Variants in CAPN13 observed in about 807,000 individuals in gnomAD.
The protein encoded by CAPN13 is calpain-13.
CAPN13 carries 90 observed loss-of-function variants against 98.4 expected under a neutral mutation model. That is an observed-to-expected ratio of 0.92 (90% CI 0.77 to 1.09). CAPN13 has a LOEUF of 1.09. Ranked by LOEUF, CAPN13 falls within the 50% of genes least tolerant of loss-of-function variation. The pLI, the probability that CAPN13 is intolerant of heterozygous loss-of-function variation, is 0.00. For synonymous variants in CAPN13, 330 were observed against 305.5 expected, an observed-to-expected ratio of 1.08 and a Z score of -0.84; for missense variants, 887 against 841.3, an observed-to-expected ratio of 1.05 and a Z score of -0.67.
chr2:30,744,008 TTC>T (rs1304380689), intron 12 of CAPN13, among the ~76,000 whole-genome samples: 12 of 152,254 alleles, frequency 7.9e-5, no homozygotes, highest in African/African-American at 1.4e-4. Context: ...TCTTTTCACT[TTC>T]TCTGTTTCAT....
intron 18 of CAPN13, among the ~76,000 whole-genome samples, chr2:30,735,106 A>C (rs72613862): frequency 0.066 from 10,002 of 152,270 alleles, 685 homozygotes; most frequent in African/African-American, 0.17. Flanking sequence ...AGCCCAGCAC[A>C]GGGGCAGAAG....
chr2:30,770,030 C>A (rs866585924), intron 5 of CAPN13, among the ~76,000 whole-genome samples: 1 of 152,132 alleles, frequency 6.6e-6, no homozygotes, highest in South Asian at 2.1e-4. Context: ...GGACTTTGAC[C>A]GTGATATTAT....
intron 4 of CAPN13, among the ~76,000 whole-genome samples, chr2:30,771,602 G>A (rs1469827330): frequency 6.6e-6 from 1 of 152,226 alleles, no homozygotes. Context: ...ATGGTTTTAG[G>A]AGGGTGATTA....
chr2:30,800,952 G>T (rs2148114582), intron 1 of CAPN13, among the ~76,000 whole-genome samples: 1 of 152,252 alleles, frequency 6.6e-6, no homozygotes, highest in East Asian at 1.9e-4. Flanking sequence ...AGATTTCCCA[G>T]CATGGTTTTT....
chr2:30,801,014 A>T (rs913513488), intron 1 of CAPN13, among the ~76,000 whole-genome samples: 3 of 151,952 alleles, frequency 2.0e-5, no homozygotes, highest in Non-Finnish European at 2.9e-5. Context: ...GCTAATTCAA[A>T]TTTTTTCTGA....
chr2:30,753,868 T>G (rs1672301476), intron 9 of CAPN13, among the ~76,000 whole-genome samples: 1 of 152,124 alleles, frequency 6.6e-6, no homozygotes, highest in Non-Finnish European at 1.5e-5. Context: ...GGTGATGAAG[T>G]CCATGTCTCA....
intron 20 of CAPN13, 41 bp from the exon 21 acceptor site, chr2:30,731,440 A>G: frequency 6.3e-7 from 1 of 1,575,962 alleles, no homozygotes; most frequent in Non-Finnish European, 8.7e-7. Flanking sequence ...CTGAGGAGGA[A>G]GGAATCCAGG....
At chr2:30,758,540 C>T (rs758566533) in intron 7 of CAPN13, among the ~76,000 whole-genome samples, 19 of 152,190 alleles carry the variant, frequency 1.2e-4, no homozygotes, top group Non-Finnish European at 2.1e-4. Flanking sequence ...ACAGACGCAG[C>T]CTGATTCTCT....
chr2:30,745,152 C>A (rs1671843884), intron 12 of CAPN13: 1 of 469,628 alleles, frequency 2.1e-6, no homozygotes, highest in South Asian at 1.6e-5. Flanking sequence ...CAGCCATGGG[C>A]AGAGAGGTGG....
chr2:30,768,116 C>A (rs1173153814), intron 5 of CAPN13, among the ~76,000 whole-genome samples: 1 of 152,234 alleles, frequency 6.6e-6, no homozygotes, highest in Non-Finnish European at 1.5e-5. Flanking sequence ...CTTCACGGTG[C>A]CTGCCTCACA....
At chr2:30,754,155 G>T in intron 9 of CAPN13, 135 bp downstream of exon 9, 1 of 558,206 alleles carries the variant, frequency 1.8e-6, no homozygotes, top group Non-Finnish European at 2.9e-6. Context: ...TGTCTTGGTA[G>T]AGAAAATAGG....
At chr2:30,758,943 TCCC>T (rs1672639099) in intron 7 of CAPN13, among the ~76,000 whole-genome samples, 1 of 136,590 alleles carries the variant, frequency 7.3e-6, no homozygotes, top group East Asian at 2.4e-4. Context: ...CCTCCCTCCC[TCCC>T]TTTCTTCCCT....
rs150255499 is a variant in CAPN13, at chr2:30,759,336, G to T, written c.775-1199C>A. ...GTCTACCCCTTTGCTCCCTCACACC[G>T]CTTAAGCCAGAGGGCAGGACTGTGG... On this transcript the variant is annotated intron_variant, in intron 7 of 22. Transcript: ENST00000295055. Among the ~76,000 whole-genome samples, 17 of 152,164 alleles carry T rather than the reference G, an allele frequency of 1.1e-4. No homozygotes were observed. The East Asian group carries it at 2.9e-3, about 26-fold the overall frequency.
chr2:30,735,028 G>A (rs2147952648), intron 18 of CAPN13, among the ~76,000 whole-genome samples: 1 of 152,332 alleles, frequency 6.6e-6, no homozygotes, highest in South Asian at 2.1e-4. Flanking sequence ...AAGTGCTTGA[G>A]GGAGTGCTTT....
chr2:30,728,004 A>G (rs1476022288), intron 22 of CAPN13, among the ~76,000 whole-genome samples: 2 of 152,056 alleles, frequency 1.3e-5, no homozygotes, highest in Non-Finnish European at 2.9e-5. Context: ...ACACGCTACA[A>G]CATGGATGAA....
rs1672158034 is a variant in CAPN13, at chr2:30,751,179, C to T, written c.1160G>A (p.Cys387Tyr). 1 of 1,613,956 alleles carries T rather than the reference C, an allele frequency of 6.2e-7. No homozygotes were observed. Among genetic ancestry groups the T allele is most frequent in the Non-Finnish European group, 8.5e-7 (1 of 1,179,860 alleles). The change falls in exon 11 of 23, where the codon TGC (cysteine) becomes TAC (tyrosine). Residue 387 changes from cysteine (C) to tyrosine (Y), a missense_variant. Physicochemically the swap from Cys to Tyr is radical, Grantham distance 194. Coordinates refer to ENST00000295055, the MANE Select transcript of CAPN13 (RefSeq NM_144575.3). ...EPMEGTNVVVCVTVAVTPSNL... is the reference protein window; with the variant it reads ...EPMEGTNVVVYVTVAVTPSNL... ...TGATGGTGTGACAGCAACTGTGACG[C>T]ACACGACAACATTGGTGCCTTCCAT...
At chr2:30,738,006 C>CA (rs3221362) in intron 17 of CAPN13, 8 of 539,060 alleles carry the variant, frequency 1.5e-5, no homozygotes, top group South Asian at 4.0e-5. Flanking sequence ...CACACACACA[C>CA]CCCAGTACAC....
intron 2 of CAPN13, among the ~76,000 whole-genome samples, chr2:30,780,040 T>C (rs1673907820): frequency 6.6e-6 from 1 of 152,188 alleles, no homozygotes; most frequent in Non-Finnish European, 1.5e-5. Flanking sequence ...TTAAAAAATC[T>C]GATGATTTTT....
At position 30,751,231 on chromosome 2, in the gene CAPN13, G is replaced by A; in HGVS notation, c.1108C>T (p.Gln370Ter). Residue 370 changes from glutamine to a stop codon, truncating the protein, a stop_gained, in exon 11 of 23, where the codon CAA becomes TAA. Transcript: ENST00000295055. LOFTEE classifies it high-confidence loss of function. The part of the protein sequence containing the change: ...NTAGGPRNDA[Q>*]FNFSVQEPME... ...GGCTCTTGCACAGAGAAGTTGAATT[G>A]AGCATCATTCCGAGGTCCTCCTGCA... The A allele has an allele frequency of 6.2e-7, 1 of 1,613,888 alleles. No homozygotes were observed. The highest frequency in any genetic ancestry group is 8.5e-7 in the Non-Finnish European group (1 of 1,179,848).
Sources: gnomAD v4.1 joint callset for allele counts (sites outside exome capture counted in the v4.1 genomes callset) on GRCh38, gnomAD v4.1.1 for gene constraint, MANE v1.5 for transcripts, NCBI Gene and HGNC (gene_info 2026-07-23, HGNC 2026-07-21) for gene names.